The following KAZN variants were observed in gnomAD, a reference collection of about 807,000 sequenced individuals.
KAZN encodes kazrin, periplakin interacting protein, also known as kazrin.
Under a neutral mutation model 87.4 loss-of-function variants are expected in KAZN, and 40 were observed. That is an observed-to-expected ratio of 0.46 (90% CI 0.36 to 0.60). The LOEUF (loss-of-function observed/expected upper bound fraction) is 0.60. KAZN is among the 20% of genes least tolerant of loss of function. The pLI, the probability that KAZN is intolerant of heterozygous loss-of-function variation, is 0.00. For missense variants in KAZN, 898 were observed against 1,073.9 expected, an observed-to-expected ratio of 0.84 and a Z score of 2.29; for synonymous variants, 466 against 458.3, an observed-to-expected ratio of 1.02 and a Z score of -0.22.
Position 15,044,080 on chromosome 1 carries a change from C to T in KAZN, c.647C>T (p.Thr216Ile). 1 of 1,612,884 alleles carries T rather than the reference C, an allele frequency of 6.2e-7. No individual in the cohort carries two copies. The highest frequency in any genetic ancestry group is 8.5e-7 in the Non-Finnish European group (1 of 1,179,828). The change falls in exon 4 of 15, where the codon ACA (threonine) becomes ATA (isoleucine). Residue 216 changes from threonine (T) to isoleucine (I), a missense_variant. Thr to Ile is a moderately conservative substitution (Grantham distance 89). Transcript: ENST00000376030. ...WELRRQAKEA[T>I]DHATALRSQL... ...CTGCGGCGCCAAGCCAAGGAGGCCA[C>T]AGACCACGCCACGGCACTGCGCTCC...
At chr1:14,490,294 C>T (rs1669577413) in intron 2 of KAZN, among the ~76,000 whole-genome samples, 1 of 152,098 alleles carries the variant, frequency 6.6e-6, no homozygotes, top group Non-Finnish European at 1.5e-5. Flanking sequence ...GCGTTAGTTA[C>T]AATTTTGTTT....
rs146162184 is a variant in KAZN at position 14,919,633 on chromosome 1, C to T, written c.227-41051C>T. Among the ~76,000 whole-genome samples the T allele has an allele frequency of 3.7e-4, 57 of 152,314 alleles. 1 individual carries two copies. In the East Asian group the frequency reaches 5.8e-3, roughly 15 times the overall value. On this transcript the variant is annotated intron_variant, in intron 1 of 14. Coordinates refer to ENST00000376030, the MANE Select transcript of KAZN (RefSeq NM_201628.3). ...TCAAGAGTTTACTGCTTTGTCTTAGCTAAAGGTGTTTGGAGATAGTAACAT... is the reference window on the plus strand; with the variant it reads ...TCAAGAGTTTACTGCTTTGTCTTAGTTAAAGGTGTTTGGAGATAGTAACAT...
chr1:14,830,737 G>A (rs1647028572), intron 1 of KAZN, among the ~76,000 whole-genome samples: 1 of 152,112 alleles, frequency 6.6e-6, no homozygotes. Flanking sequence ...ACAGCACCAG[G>A]GGGATGGTGC....
At chr1:14,566,591 T>A (rs1426929524) in intron 2 of KAZN, among the ~76,000 whole-genome samples, 1 of 152,204 alleles carries the variant, frequency 6.6e-6, no homozygotes, top group Non-Finnish European at 1.5e-5. Flanking sequence ...ATGACATATT[T>A]TTCCAATATA....
intron 2 of KAZN, among the ~76,000 whole-genome samples, chr1:14,492,690 AC>A (rs1669723769): frequency 0.02 from 1 of 50 alleles, no homozygotes; most frequent in Non-Finnish European, 0.036. Context: ...CCACACACAC[AC>A]CACACATACA....
intron 1 of KAZN, among the ~76,000 whole-genome samples, chr1:14,936,755 T>G (rs1329425198): frequency 2.6e-5 from 4 of 152,140 alleles, no homozygotes; most frequent in African/African-American, 7.2e-5. Context: ...TGCCTAAAAC[T>G]CCTGACTGAA....
intron 2 of KAZN, among the ~76,000 whole-genome samples, chr1:14,209,722 C>G (rs1168573499): frequency 6.6e-6 from 1 of 152,142 alleles, no homozygotes; most frequent in Non-Finnish European, 1.5e-5. Context: ...GTATTTATAA[C>G]TGGTAATTGT....
chr1:14,351,951 CTAAAG>C (rs1489586050), intron 2 of KAZN, among the ~76,000 whole-genome samples: 2 of 152,116 alleles, frequency 1.3e-5, no homozygotes, highest in East Asian at 3.9e-4. Context: ...GAAAATCAAA[CTAAAG>C]TAAACATGTA....
intron 2 of KAZN, among the ~76,000 whole-genome samples, chr1:14,209,255 A>G (rs1054546532): frequency 4.6e-5 from 7 of 152,208 alleles, no homozygotes; most frequent in African/African-American, 9.6e-5. Context: ...GCTCCATTCC[A>G]TTGAGAAACC....
intron 1 of KAZN, among the ~76,000 whole-genome samples, chr1:13,979,930 CAAAA>C (rs142839854): frequency 4.0e-5 from 4 of 100,454 alleles, no homozygotes; most frequent in South Asian, 3.3e-4. Flanking sequence ...GACTCCGTCT[CAAAA>C]AAAAAAAAAA....
intron 1 of KAZN, among the ~76,000 whole-genome samples, chr1:13,926,468 G>A (rs1369394026): frequency 6.6e-6 from 1 of 152,216 alleles, no homozygotes; most frequent in Middle Eastern, 3.4e-3. Context: ...TGAGTCACCC[G>A]ATGGCTTCCT....
chr1:15,089,761 A>G (rs565428542), intron 8 of KAZN, among the ~76,000 whole-genome samples: 1,749 of 145,842 alleles, frequency 0.012, 49 homozygotes, highest in East Asian at 0.091. Flanking sequence ...AAAAAAAAAA[A>G]AGAGAAGTTC....
chr1:14,583,053 C>G lies in KAZN; in HGVS notation c.250-15930C>G, dbSNP rs2023603. Among the ~76,000 whole-genome samples, 566 of 152,338 alleles carry G rather than the reference C, an allele frequency of 3.7e-3. 8 individuals are homozygous for G. Among genetic ancestry groups the G allele is most frequent in the African/African-American group, 0.013 (543 of 41,586 alleles). ...TCCATGCCTGGTGAGCTTGTCAATCCTTTACCCTTATCAACTCACTTAATC... is the reference window on the plus strand; with the variant it reads ...TCCATGCCTGGTGAGCTTGTCAATCGTTTACCCTTATCAACTCACTTAATC... On this transcript the variant is annotated intron_variant, in intron 2 of 16. Transcript: ENST00000636203.
At chr1:15,074,540 G>A (rs1639653747) in intron 8 of KAZN, among the ~76,000 whole-genome samples, 2 of 152,154 alleles carry the variant, frequency 1.3e-5, no homozygotes, top group African/African-American at 4.8e-5. Flanking sequence ...TGGTAGAACA[G>A]GAAATAGGAA....
chr1:15,064,051 G>T (rs1044597945), intron 7 of KAZN, among the ~76,000 whole-genome samples: 1 of 152,254 alleles, frequency 6.6e-6, no homozygotes, highest in African/African-American at 2.4e-5. Flanking sequence ...TACCCTGGCA[G>T]CCAGCTCTAT....
At chr1:14,965,814 G>T (rs967510565) in intron 2 of KAZN, among the ~76,000 whole-genome samples, 7 of 152,048 alleles carry the variant, frequency 4.6e-5, no homozygotes, top group African/African-American at 1.7e-4. Flanking sequence ...CAAAACTGAA[G>T]ACCCCAAAGG....
At chr1:14,695,064 G>T (rs1009016073) in intron 1 of KAZN, among the ~76,000 whole-genome samples, 11 of 152,140 alleles carry the variant, frequency 7.2e-5, no homozygotes, top group African/African-American at 2.7e-4. Context: ...AAGCTTAATT[G>T]GATCTCTGTC....
intron 4 of KAZN, among the ~76,000 whole-genome samples, chr1:15,046,748 G>A (rs1478935161): frequency 6.6e-6 from 1 of 152,226 alleles, no homozygotes; most frequent in Non-Finnish European, 1.5e-5. Flanking sequence ...GGAAAAAGCT[G>A]CGGCTGCAGG....
chr1:14,304,599 A>G (rs973369749), intron 2 of KAZN: 2 of 398,260 alleles, frequency 5.0e-6, no homozygotes, highest in African/African-American at 4.1e-5. Context: ...GAAGTCATCC[A>G]TAAACACATG....
Sources: allele counts gnomAD v4.1 joint callset (sites outside exome capture counted in the v4.1 genomes callset), GRCh38; gene constraint gnomAD v4.1.1; transcripts MANE v1.5; gene names NCBI Gene and HGNC (gene_info 2026-07-23, HGNC 2026-07-21).